DOP1B: variants seen among roughly 807,000 people sequenced by gnomAD.
DOP1B encodes the protein DOP1 leucine zipper like protein B, also known as protein DOP1B.
In DOP1B, 174 loss-of-function variants were observed where a neutral mutation model predicts 233.5. That is an observed-to-expected ratio of 0.75 (90% CI 0.66 to 0.85). DOP1B has a LOEUF of 0.85. DOP1B is among the 40% of genes least tolerant of loss of function. The probability of loss-of-function intolerance (pLI) is 0.00; values close to 1 mark genes in which losing one functional copy is unlikely to be tolerated. For missense variants in DOP1B, 2,652 were observed against 2,846.6 expected (o/e 0.93, Z 1.56); for synonymous variants, 1,190 against 1,185.6 (o/e 1.00, Z -0.08).
chr21:36,283,786 ATTC>A (rs2067446381), intron 32 of DOP1B, among the ~76,000 whole-genome samples: 1 of 152,004 alleles, frequency 6.6e-6, no homozygotes, highest in South Asian at 2.1e-4. Flanking sequence ...ATAGGGGAGG[ATTC>A]TTTATGAACC....
In DOP1B at chr21:36,229,661, C is replaced by CTT. The variant is rs373779563; in HGVS notation, c.1666-772_1666-771dup. On this transcript the variant is annotated intron_variant, in intron 13 of 36. Transcript: ENST00000691173. ...TACACTATTCTCTGACTTGCTTTAC[C>CTT]TTTTTTTTTTTTTTTTTTGAGACAG... Among the ~76,000 whole-genome samples, 1,221 of 127,664 alleles carry CTT rather than the reference C, an allele frequency of 9.6e-3. 40 individuals are homozygous for CTT. The highest frequency in any genetic ancestry group is 0.031 in the African/African-American group (1,043 of 33,206). 83.8% of individuals were successfully genotyped at this position (127,664 alleles called of 152,430 possible). A position where few individuals can be genotyped will look rare whatever the true frequency, so the allele number is the denominator to read the frequency against.
chr21:36,248,334 C>A, intron 20 of DOP1B, 46 bp from the exon 21 acceptor site: 6 of 1,594,864 alleles, frequency 3.8e-6, no homozygotes, highest in Non-Finnish European at 5.1e-6. Context: ...GAAGAAAAAC[C>A]ATTCCACAGA....
At chr21:36,219,191 G>A (rs966594267) in intron 9 of DOP1B, among the ~76,000 whole-genome samples, 181 bp from the exon 10 acceptor site, 2 of 152,186 alleles carry the variant, frequency 1.3e-5, no homozygotes, top group Admixed American at 6.5e-5. Flanking sequence ...CTATTTTCAT[G>A]AATGTTGTTT....
chr21:36,278,264 G>A lies in DOP1B; in HGVS notation c.5878G>A (p.Gly1960Ser), dbSNP rs2067377128. The A allele has an allele frequency of 6.2e-7, 1 of 1,613,996 alleles. No individual in the cohort carries two copies. Among genetic ancestry groups the A allele is most frequent in the Non-Finnish European group, 8.5e-7 (1 of 1,180,042 alleles). Residue 1960 changes from glycine to serine, a missense_variant, in exon 30 of 37, where the codon GGC becomes AGC. By Grantham distance (56) the Gly-to-Ser change is moderately conservative (BLOSUM62 0). Around this residue, in one of 3 missense-constraint regions of DOP1B, gnomAD observed 2,617 missense variants for 2,794.3 expected, o/e 0.94. Transcript: ENST00000691173. ...CGCTCAGCTGCTGAGCTCCCTGAGT[G>A]GCTATGCCTACACAAAGCGAGCCTG... ...AGAQLLSSLSGYAYTKRAWRK... is the reference protein window; with the variant it reads ...AGAQLLSSLSSYAYTKRAWRK...
intron 2 of DOP1B, among the ~76,000 whole-genome samples, chr21:36,184,326 G>A (rs2066137718): frequency 6.6e-6 from 1 of 152,156 alleles, no homozygotes; most frequent in African/African-American, 2.4e-5. Flanking sequence ...TGCGATTACA[G>A]GTGTGAGCCA....
intron 32 of DOP1B, among the ~76,000 whole-genome samples, chr21:36,286,480 C>A (rs867200823): frequency 1.3e-5 from 2 of 151,392 alleles, no homozygotes; most frequent in Non-Finnish European, 2.9e-5. Context: ...ACTAAAAATA[C>A]CAAAAATTAG....
chr21:36,168,558 C>G (rs57529164), intron 2 of DOP1B, among the ~76,000 whole-genome samples: 1 of 151,252 alleles, frequency 6.6e-6, no homozygotes, highest in East Asian at 1.9e-4. Context: ...TTTTGACACT[C>G]GCTCTGTTGC....
At chr21:36,188,612 A>G (rs2066194243) in intron 2 of DOP1B, among the ~76,000 whole-genome samples, 1 of 152,204 alleles carries the variant, frequency 6.6e-6, no homozygotes. Context: ...TTTCAGTGGC[A>G]TGAAAAGAAC....
chr21:36,273,693 C>T (rs1463051648), intron 27 of DOP1B, among the ~76,000 whole-genome samples: 2 of 152,192 alleles, frequency 1.3e-5, no homozygotes, highest in East Asian at 3.9e-4. Context: ...ACCTGAAGAC[C>T]AGGACTCTGG....
chr21:36,248,288 C>G, intron 20 of DOP1B, 92 bp from the exon 21 acceptor site: 1 of 1,381,316 alleles, frequency 7.2e-7, no homozygotes. Context: ...GTCCAACAGC[C>G]CAGACCTAAT....
chr21:36,273,351 G>A (rs900048815), intron 27 of DOP1B, among the ~76,000 whole-genome samples: 1 of 152,148 alleles, frequency 6.6e-6, no homozygotes, highest in South Asian at 2.1e-4. Context: ...AGGCTGCAGT[G>A]CGCCGAGATC....
chr21:36,290,016 C>A (rs182094671), intron 35 of DOP1B, among the ~76,000 whole-genome samples: 1 of 152,270 alleles, frequency 6.6e-6, no homozygotes, highest in East Asian at 1.9e-4. Context: ...ATGTACACCA[C>A]CAAGAGTGAA....
chr21:36,204,658 A>ATGTTTTT (rs2066407594), intron 4 of DOP1B, among the ~76,000 whole-genome samples: 1 of 115,212 alleles, frequency 8.7e-6, no homozygotes, highest in Non-Finnish European at 1.7e-5. Context: ...TGACATTTCT[A>ATGTTTTT]TTTTTTTTTT....
intron 32 of DOP1B, among the ~76,000 whole-genome samples, chr21:36,285,857 A>G (rs1193358330): frequency 2.6e-5 from 4 of 152,004 alleles, no homozygotes; most frequent in Non-Finnish European, 5.9e-5. Flanking sequence ...AAATACAAAA[A>G]GTTAGCTGAG....
chr21:36,231,844 ATTTT>A (rs35336231), intron 14 of DOP1B, among the ~76,000 whole-genome samples: 14 of 119,900 alleles, frequency 1.2e-4, no homozygotes, highest in Non-Finnish European at 1.9e-4. Context: ...CGCCCAGCTA[ATTTT>A]TTTTTTTTTT....
intron 26 of DOP1B, 116 bp downstream of exon 26, chr21:36,263,930 T>C: frequency 9.4e-7 from 1 of 1,061,252 alleles, no homozygotes; most frequent in Non-Finnish European, 1.4e-6. Flanking sequence ...GAGGTTAGCT[T>C]TGCACTTGTT....
At chr21:36,265,637 C>T (rs1188314660) in intron 26 of DOP1B, among the ~76,000 whole-genome samples, 2 of 152,164 alleles carry the variant, frequency 1.3e-5, no homozygotes, top group African/African-American at 4.8e-5. Context: ...GCATTCCCTC[C>T]GTTGTTGCAG....
At chr21:36,199,652 G>T (rs918841756) in intron 3 of DOP1B, among the ~76,000 whole-genome samples, 1 of 151,448 alleles carries the variant, frequency 6.6e-6, no homozygotes, top group Non-Finnish European at 1.5e-5. Flanking sequence ...TGTTCTCATT[G>T]TTCAATCCCC....
intron 2 of DOP1B, among the ~76,000 whole-genome samples, chr21:36,195,192 T>G (rs1037470122): frequency 6.6e-6 from 1 of 151,872 alleles, no homozygotes; most frequent in African/African-American, 2.4e-5. Context: ...AATACAAAAA[T>G]TAGCCAGGTG....
Sources: gnomAD v4.1 joint callset for allele counts (sites outside exome capture counted in the v4.1 genomes callset) on GRCh38, gnomAD v4.1.1 for gene constraint, gnomAD v4.1.1 regional missense constraint, MANE v1.5 for transcripts, NCBI Gene and HGNC (gene_info 2026-07-23, HGNC 2026-07-21) for gene names.